The following IPO11 variants were observed in gnomAD, a reference collection of about 807,000 sequenced individuals.
IPO11 encodes importin 11, also known as importin-11.
IPO11 carries 66 observed loss-of-function variants against 143.2 expected under a neutral mutation model. That is an observed-to-expected ratio of 0.46 (90% confidence interval 0.38 to 0.57). The LOEUF (loss-of-function observed/expected upper bound fraction) is 0.57. Among genes scored for constraint, IPO11 ranks in the 20% least tolerant of loss-of-function variants. The pLI, the probability that IPO11 is intolerant of heterozygous loss-of-function variation, is 0.00. For synonymous variants in IPO11, 385 were observed against 377.8 expected, an observed-to-expected ratio of 1.02 and a Z score of -0.22; for missense variants, 1,026 against 1,141.0, an observed-to-expected ratio of 0.90 and a Z score of 1.45.
In IPO11 at chr5:62,511,043, G is replaced by T. The variant is rs566876755; in HGVS notation, c.1783-4345G>T. Among the ~76,000 whole-genome samples the T allele has an allele frequency of 6.6e-4, 100 of 152,146 alleles. 1 individual carries two copies. The highest frequency in any genetic ancestry group is 2.1e-3 in the African/African-American group (88 of 41,524). On this transcript the variant is annotated intron_variant, in intron 19 of 29. Coordinates refer to ENST00000325324, the MANE Select transcript of IPO11 (RefSeq NM_016338.5). ...ACCACTGCGCCTGGCCTCTATGATT[G>T]ATTTTTGAAATACTATTTTTATAGC... is the stretch of plus-strand genomic sequence containing the variant.
At chr5:62,463,619 C>A (rs1234342334) in intron 5 of IPO11, among the ~76,000 whole-genome samples, 1 of 150,836 alleles carries the variant, frequency 6.6e-6, no homozygotes, top group South Asian at 2.1e-4. Flanking sequence ...TGCAGTGAGC[C>A]GTGATTGCGC....
chr5:62,415,558 T>C (rs1026310583), intron 1 of IPO11, among the ~76,000 whole-genome samples: 1 of 146,056 alleles, frequency 6.8e-6, no homozygotes, highest in Non-Finnish European at 1.5e-5. Context: ...AACCTCCGCC[T>C]CCTGGGTTCA....
At chr5:62,513,417 C>G (rs868653311) in intron 19 of IPO11, among the ~76,000 whole-genome samples, 306 of 62,528 alleles carry the variant, frequency 4.9e-3, no homozygotes, top group African/African-American at 0.02. Context: ...GGCGCTGACC[C>G]CCCCCCCACC....
At chr5:62,473,854 T>A (rs182774305) in intron 7 of IPO11, among the ~76,000 whole-genome samples, 287 of 152,322 alleles carry the variant, frequency 1.9e-3, no homozygotes, top group African/African-American at 6.5e-3. Flanking sequence ...CTGGTATATG[T>A]TGATGCCTAT....
intron 9 of IPO11, among the ~76,000 whole-genome samples, chr5:62,478,522 A>G (rs984360175): frequency 6.6e-6 from 1 of 152,088 alleles, no homozygotes; most frequent in African/African-American, 2.4e-5. Context: ...AAAAATACTG[A>G]TAGCTTCTTA....
intron 29 of IPO11, among the ~76,000 whole-genome samples, chr5:62,607,874 A>G (rs1217825186): frequency 1.3e-5 from 2 of 151,236 alleles, no homozygotes; most frequent in East Asian, 1.9e-4. Flanking sequence ...GCTCACTGCA[A>G]CCTGCTATCT....
At chr5:62,570,989 A>G (rs930709084) in intron 27 of IPO11, among the ~76,000 whole-genome samples, 16 of 152,356 alleles carry the variant, frequency 1.1e-4, no homozygotes, top group African/African-American at 3.8e-4. Context: ...GATGTGATAT[A>G]GAAAAATAAT....
intron 9 of IPO11, among the ~76,000 whole-genome samples, chr5:62,480,954 C>T (rs190433565): frequency 1.9e-3 from 229 of 118,400 alleles, no homozygotes; most frequent in African/African-American, 7.4e-3. Flanking sequence ...CTTGCTCTGT[C>T]GCCCAGGTTG....
chr5:62,442,768 G>A (rs2112143763), intron 2 of IPO11, among the ~76,000 whole-genome samples: 1 of 152,214 alleles, frequency 6.6e-6, no homozygotes, highest in East Asian at 1.9e-4. Context: ...GGAGGCTGAG[G>A]CAGGAGAATC....
chr5:62,547,854 A>G (rs932651916), intron 24 of IPO11, among the ~76,000 whole-genome samples: 8 of 152,122 alleles, frequency 5.3e-5, no homozygotes, highest in African/African-American at 1.7e-4. Flanking sequence ...AATTTTAACC[A>G]GAATTTTATA....
intron 27 of IPO11, chr5:62,579,914 A>G (rs1011824153): frequency 1.9e-6 from 3 of 1,551,138 alleles, no homozygotes; most frequent in Non-Finnish European, 2.6e-6. Flanking sequence ...GTTTCAGTTC[A>G]GTACTTAAAT....
intron 22 of IPO11, among the ~76,000 whole-genome samples, chr5:62,534,222 A>G (rs1235880386): frequency 6.6e-6 from 1 of 152,104 alleles, no homozygotes; most frequent in East Asian, 1.9e-4. Context: ...AATCTATGTT[A>G]TGGTGTTAAT....
At chr5:62,456,775 A>AC (rs899588883) in intron 5 of IPO11, among the ~76,000 whole-genome samples, 7 of 152,028 alleles carry the variant, frequency 4.6e-5, no homozygotes, top group Admixed American at 4.6e-4. Flanking sequence ...GAAGAACGCA[A>AC]CCCCCCTATT....
chr5:62,587,423 T>G (rs1744837155), intron 27 of IPO11, among the ~76,000 whole-genome samples: 2 of 152,136 alleles, frequency 1.3e-5, no homozygotes, highest in South Asian at 2.1e-4. Flanking sequence ...GATGTATGTT[T>G]CCATTTAAAC....
At position 62,598,510 on chromosome 5, in the gene IPO11, CTTT is replaced by C. The variant is rs1745351452; in HGVS notation, c.2679-3253_2679-3251del. 8.7e-4 allele frequency among the ~76,000 whole-genome samples: 5 copies of C among 5,716 alleles called. No homozygotes were observed. In the African/African-American group the frequency reaches 0.011, roughly 12 times the overall value. The allele number at this position is 5,716 out of a possible 152,430, so 3.7% of individuals were successfully genotyped here. A position where few individuals can be genotyped will look rare whatever the true frequency, so the allele number is the denominator to read the frequency against. ...TCTCTCTCTCTTTCTTTCTTTCTTT[CTTT>C]CTTTCTTTCTTTCTTTTCTTTCTTT... On this transcript the variant is annotated intron_variant, in intron 28 of 29. Transcript: ENST00000325324.
chr5:62,619,735 C>A (rs1746277460), intron 29 of IPO11, among the ~76,000 whole-genome samples: 1 of 151,894 alleles, frequency 6.6e-6, no homozygotes, highest in African/African-American at 2.4e-5. Context: ...CGCCTGTAGT[C>A]CCACCTAGTC....
intron 29 of IPO11, among the ~76,000 whole-genome samples, chr5:62,615,913 G>C (rs1746112790): frequency 2.0e-5 from 3 of 152,264 alleles, no homozygotes; most frequent in Admixed American, 2.0e-4. Flanking sequence ...TGATTACATG[G>C]CATCTAGCAC....
chr5:62,506,324 CCTTT>C lies in IPO11; in HGVS notation c.1753_1756del (p.Ser585ValfsTer2). On this transcript the variant is annotated frameshift_variant, in exon 19 of 30. Coordinates refer to ENST00000325324, the MANE Select transcript of IPO11 (RefSeq NM_016338.5). LOFTEE classifies it high-confidence loss of function. ...ACACAAAGATGCATGTTTTGCATGT[CCTTT>C]CTTGTGTGATCGAAAGAGTCAACAT... 6.2e-7 allele frequency: 1 copy of C among 1,609,744 alleles called. No homozygotes were observed. Among genetic ancestry groups the C allele is most frequent in the Non-Finnish European group, 8.5e-7 (1 of 1,177,052 alleles).
At chr5:62,524,681 T>C (rs1018838282) in intron 20 of IPO11, among the ~76,000 whole-genome samples, 2 of 152,118 alleles carry the variant, frequency 1.3e-5, no homozygotes, top group African/African-American at 4.8e-5. Context: ...ATATTTAACA[T>C]AAGTTCTGGA....
Sources: allele counts gnomAD v4.1 joint callset (sites outside exome capture counted in the v4.1 genomes callset), GRCh38; gene constraint gnomAD v4.1.1; transcripts MANE v1.5; gene names NCBI Gene and HGNC (gene_info 2026-07-23, HGNC 2026-07-21).